STX8: variants seen among roughly 807,000 people sequenced by gnomAD.
The protein encoded by STX8 is syntaxin 8.
Under a neutral mutation model 37.5 loss-of-function variants are expected in STX8, and 23 were observed. That is an observed-to-expected ratio of 0.61 (90% confidence interval 0.44 to 0.87). The LOEUF (loss-of-function observed/expected upper bound fraction) is 0.87. Among genes scored for constraint, STX8 ranks in the 40% least tolerant of loss-of-function variants. The pLI, the probability that STX8 is intolerant of heterozygous loss-of-function variation, is 0.00. For missense variants in STX8, 313 were observed against 284.7 expected (o/e 1.10, Z -0.71); for synonymous variants, 115 against 99.1 (o/e 1.16, Z -0.95).
intron 6 of STX8, among the ~76,000 whole-genome samples, chr17:9,391,025 G>C (rs958447730): frequency 6.6e-6 from 1 of 152,234 alleles, no homozygotes; most frequent in Admixed American, 6.5e-5. Context: ...CCATATCAAA[G>C]TTAAGTTTCT....
chr17:9,567,881 T>TC (rs1176814712), intron 2 of STX8, among the ~76,000 whole-genome samples: 1 of 152,122 alleles, frequency 6.6e-6, no homozygotes, highest in Non-Finnish European at 1.5e-5. Flanking sequence ...AGATGGGGTT[T>TC]CCCCATGTTG....
intron 7 of STX8, among the ~76,000 whole-genome samples, chr17:9,360,370 G>C (rs755825053): frequency 2.0e-5 from 3 of 151,440 alleles, no homozygotes; most frequent in Non-Finnish European, 4.4e-5. Flanking sequence ...GAGTAGCTGG[G>C]ATTACAGTCG....
At chr17:9,396,929 T>A (rs9902240) in intron 6 of STX8, among the ~76,000 whole-genome samples, 86,854 of 151,998 alleles carry the variant, frequency 0.57, 25,392 homozygotes, top group East Asian at 0.77. Flanking sequence ...CATCACTGAA[T>A]GAGGTAGGAA....
intron 6 of STX8, among the ~76,000 whole-genome samples, chr17:9,394,754 G>T (rs1018013094): frequency 6.6e-6 from 1 of 151,740 alleles, no homozygotes; most frequent in African/African-American, 2.4e-5. Flanking sequence ...TCAATCTAGA[G>T]GCACAAACAG....
At chr17:9,265,361 G>T (rs530651038) in intron 7 of STX8, among the ~76,000 whole-genome samples, 1 of 152,200 alleles carries the variant, frequency 6.6e-6, no homozygotes, top group African/African-American at 2.4e-5. Flanking sequence ...GATGGGGCAC[G>T]CTAGTCGCTT....
At chr17:9,510,733 C>T (rs1418975690) in intron 4 of STX8, among the ~76,000 whole-genome samples, 1 of 151,250 alleles carries the variant, frequency 6.6e-6, no homozygotes, top group Non-Finnish European at 1.5e-5. Flanking sequence ...ATAAACCAAA[C>T]CCAAAATTAG....
intron 6 of STX8, among the ~76,000 whole-genome samples, chr17:9,414,121 TCCATCCAA>T (rs1397498248): frequency 1.1e-4 from 1 of 9,436 alleles, no homozygotes; most frequent in Admixed American, 1.3e-3. Context: ...CATCCATCCA[TCCATCCAA>T]CCATCCATCC....
intron 7 of STX8, among the ~76,000 whole-genome samples, chr17:9,252,485 T>A (rs1906621648): frequency 6.6e-6 from 1 of 151,330 alleles, no homozygotes; most frequent in South Asian, 2.1e-4. Context: ...GGTGGGTGCC[T>A]GTAATCCCAG....
chr17:9,512,638 G>A (rs541572949), intron 4 of STX8, among the ~76,000 whole-genome samples: 1 of 152,144 alleles, frequency 6.6e-6, no homozygotes, highest in Non-Finnish European at 1.5e-5. Flanking sequence ...AATTTTTGTA[G>A]AGACGGGGTT....
chr17:9,548,611 G>A (rs1906643614), intron 3 of STX8: 2 of 152,196 alleles, frequency 1.3e-5, no homozygotes, highest in Non-Finnish European at 1.5e-5. Context: ...ACTAGTGTAT[G>A]TAAACAATGG....
At chr17:9,267,717 A>T (rs1907280654) in intron 7 of STX8, among the ~76,000 whole-genome samples, 1 of 152,236 alleles carries the variant, frequency 6.6e-6, no homozygotes, top group African/African-American at 2.4e-5. Context: ...CACCAGGCAC[A>T]GTGGCTCATG....
chr17:9,408,396 G>A (rs1912869467), intron 6 of STX8, among the ~76,000 whole-genome samples: 1 of 152,182 alleles, frequency 6.6e-6, no homozygotes, highest in African/African-American at 2.4e-5. Flanking sequence ...AGGGAGTCAT[G>A]AACATCATAG....
chr17:9,406,038 A>C (rs1235627169), intron 6 of STX8, among the ~76,000 whole-genome samples: 2 of 152,224 alleles, frequency 1.3e-5, no homozygotes, highest in Non-Finnish European at 2.9e-5. Flanking sequence ...AAAAGGTATA[A>C]GTGCAAGGAT....
chr17:9,271,931 G>A (rs958977112), intron 7 of STX8, among the ~76,000 whole-genome samples: 5 of 152,060 alleles, frequency 3.3e-5, no homozygotes, highest in Non-Finnish European at 7.4e-5. Flanking sequence ...CTATAAGTAC[G>A]GATAATGGGC....
chr17:9,488,541 T>C (rs1040136606), intron 6 of STX8, among the ~76,000 whole-genome samples: 1 of 151,958 alleles, frequency 6.6e-6, no homozygotes, highest in East Asian at 1.9e-4. Context: ...TCCTTAAAAG[T>C]AGAAGAGGGA....
At chr17:9,440,915 A>C (rs1331159960) in intron 6 of STX8, among the ~76,000 whole-genome samples, 1 of 152,014 alleles carries the variant, frequency 6.6e-6, no homozygotes, top group Non-Finnish European at 1.5e-5. Context: ...TCCTACAAGC[A>C]TTTCAGTTTC....
At chr17:9,393,464 T>C (rs1297820433) in intron 6 of STX8, among the ~76,000 whole-genome samples, 3 of 152,200 alleles carry the variant, frequency 2.0e-5, no homozygotes, top group African/African-American at 7.2e-5. Context: ...CTTCTCTGTT[T>C]GGTGGATGAA....
At chr17:9,279,629 C>T (rs1391396857) in intron 7 of STX8, among the ~76,000 whole-genome samples, 1 of 152,170 alleles carries the variant, frequency 6.6e-6, no homozygotes, top group Non-Finnish European at 1.5e-5. Flanking sequence ...AGCCAGGTGC[C>T]CAGCTCTAGA....
intron 7 of STX8, among the ~76,000 whole-genome samples, chr17:9,323,277 T>C (rs1352708537): frequency 6.6e-6 from 1 of 151,840 alleles, no homozygotes; most frequent in Non-Finnish European, 1.5e-5. Flanking sequence ...CTTCCTTGGG[T>C]TTAAAATAGA....
Sources: allele counts gnomAD v4.1 joint callset (sites outside exome capture counted in the v4.1 genomes callset), GRCh38; gene constraint gnomAD v4.1.1; transcripts MANE v1.5; gene names NCBI Gene and HGNC (gene_info 2026-07-23, HGNC 2026-07-21).